SCARB2: variants seen among roughly 807,000 people sequenced by gnomAD.
SCARB2 encodes the protein lysosome membrane protein 2.
Under a neutral mutation model 58.6 loss-of-function variants are expected in SCARB2, and 29 were observed. The ratio of observed to expected loss-of-function variants is 0.49; its 90% confidence interval spans 0.37 to 0.67. The LOEUF (loss-of-function observed/expected upper bound fraction) is 0.67. Among genes scored for constraint, SCARB2 ranks in the 30% least tolerant of loss-of-function variants. The pLI, the probability that SCARB2 is intolerant of heterozygous loss-of-function variation, is 0.00. For missense variants in SCARB2, 488 were observed against 578.5 expected (o/e 0.84, Z 1.60); for synonymous variants, 195 against 210.1 (o/e 0.93, Z 0.62).
chr4:76,200,193 A>G (rs4241591), intron 1 of SCARB2, among the ~76,000 whole-genome samples: 96,915 of 152,062 alleles, frequency 0.64, 32,438 homozygotes, highest in East Asian at 0.98. Flanking sequence ...TGCTGTGGTG[A>G]TGACAGCCAC....
At chr4:76,174,736 T>C in intron 6 of SCARB2, 1 of 198,822 alleles carries the variant, frequency 5.0e-6, no homozygotes, top group Non-Finnish European at 1.0e-5. Flanking sequence ...CCTCGTAGGG[T>C]CTTAGGCACT....
At chr4:76,190,922 A>G (rs1018907402) in intron 2 of SCARB2, among the ~76,000 whole-genome samples, 7 of 152,244 alleles carry the variant, frequency 4.6e-5, no homozygotes, top group African/African-American at 1.4e-4. Context: ...GAAATGTTCT[A>G]TAAGTGTAAA....
At chr4:76,225,735 A>T (rs1431512609) in intron 1 of SCARB2, among the ~76,000 whole-genome samples, 1 of 152,016 alleles carries the variant, frequency 6.6e-6, no homozygotes, top group East Asian at 1.9e-4. Flanking sequence ...CTGGTATGAA[A>T]CTCACTTGAT....
chr4:76,228,491 AG>A lies in SCARB2; in HGVS notation c.-358+5811del, dbSNP rs749588427. Among the ~76,000 whole-genome samples, 170 of 133,740 alleles carry A rather than the reference AG, an allele frequency of 1.3e-3. 1 individual carries two copies. The highest frequency in any genetic ancestry group is 9.2e-3 in the South Asian group (38 of 4,124). The allele number at this position is 133,740 out of a possible 152,430, so 87.7% of individuals were successfully genotyped here. On this transcript the variant is annotated intron_variant, in intron 1 of 11. Transcript: ENST00000638295. ...AAGCCTCCATCTTAAAAAAAAAAAAAGAAAGAAAGAAAAAAAATTTAGAATT... is the reference window on the plus strand; with the variant it reads ...AAGCCTCCATCTTAAAAAAAAAAAAAAAAGAAAGAAAAAAAATTTAGAATT...
intron 1 of SCARB2, among the ~76,000 whole-genome samples, chr4:76,209,440 C>T (rs1578740863): frequency 6.6e-6 from 1 of 152,132 alleles, no homozygotes. Context: ...GCCATCTTGG[C>T]TCACTGCAAC....
At chr4:76,170,854 A>G (rs1276418201) in intron 7 of SCARB2, among the ~76,000 whole-genome samples, 1 of 151,780 alleles carries the variant, frequency 6.6e-6, no homozygotes, top group Non-Finnish European at 1.5e-5. Flanking sequence ...TGGTTGTGCT[A>G]TACACCCAGC....
chr4:76,179,175 T>C, intron 4 of SCARB2: 1 of 311,882 alleles, frequency 3.2e-6, no homozygotes, highest in Admixed American at 4.5e-5. Context: ...TGCCTCAGTC[T>C]CCTGAGTAGG....
intron 1 of SCARB2, among the ~76,000 whole-genome samples, chr4:76,220,615 C>T (rs1333672995): frequency 6.6e-6 from 1 of 152,148 alleles, no homozygotes; most frequent in African/African-American, 2.4e-5. Context: ...AGAGCTAGAT[C>T]CTGTCTCTTA....
chr4:76,194,934 G>A (rs1732681846), intron 2 of SCARB2: 1 of 152,092 alleles, frequency 6.6e-6, no homozygotes, highest in South Asian at 2.1e-4. Flanking sequence ...CTTGCTTATT[G>A]CTTATACGCA....
intron 2 of SCARB2, chr4:76,193,478 T>C (rs1327288776): frequency 6.6e-6 from 1 of 152,252 alleles, no homozygotes; most frequent in East Asian, 1.9e-4. Context: ...CAGCTTGCAA[T>C]CTCAGCATAA....
intron 1 of SCARB2, 97 bp downstream of exon 1, chr4:76,213,330 G>A (rs1221903926): frequency 1.2e-6 from 1 of 843,434 alleles, no homozygotes; most frequent in African/African-American, 1.7e-5. Flanking sequence ...CGGAGGGTCT[G>A]CCTGAGTGCT....
At chr4:76,211,617 G>A (rs1397893524) in intron 1 of SCARB2, among the ~76,000 whole-genome samples, 1 of 152,162 alleles carries the variant, frequency 6.6e-6, no homozygotes, top group Non-Finnish European at 1.5e-5. Flanking sequence ...AGATTAAACA[G>A]CCCACGGTCA....
In SCARB2 at chr4:76,158,976, A is replaced by C. The variant is rs1047595683; in HGVS notation, c.*2737T>G. 3 of 152,210 alleles carry C rather than the reference A, an allele frequency of 2.0e-5. No homozygotes were observed. Among genetic ancestry groups the C allele is most frequent in the East Asian group, 3.8e-4 (2 of 5,198 alleles). 9.4% of individuals were successfully genotyped at this position (152,210 alleles called of 1,614,324 possible). A position where few individuals can be genotyped will look rare whatever the true frequency, so the allele number is the denominator to read the frequency against. ...TTAAATTAAAAATTAGCCTCCCTTAAGTTAAAAACCCCAATAGGGGTTAGT... is the reference window on the plus strand; with the variant it reads ...TTAAATTAAAAATTAGCCTCCCTTACGTTAAAAACCCCAATAGGGGTTAGT... On this transcript the variant is annotated 3_prime_UTR_variant, in exon 12 of 12. Transcript: ENST00000264896.
intron 1 of SCARB2, among the ~76,000 whole-genome samples, chr4:76,199,611 T>G (rs115386249): frequency 0.023 from 3,504 of 152,288 alleles, 121 homozygotes; most frequent in African/African-American, 0.08. Context: ...ATTTAACTGG[T>G]TGTCCTGTAT....
At chr4:76,192,360 G>A (rs1056227406) in intron 2 of SCARB2, 1 of 152,232 alleles carries the variant, frequency 6.6e-6, no homozygotes, top group Non-Finnish European at 1.5e-5. Flanking sequence ...ATTGGGACTG[G>A]AGCAAAGTTC....
upstream of SCARB2, chr4:76,214,353 C>T (rs1157229103): frequency 6.6e-6 from 3 of 451,930 alleles, no homozygotes; most frequent in South Asian, 1.6e-5. Flanking sequence ...AAGTTTGTCA[C>T]GTAAGGGGCA....
intron 1 of SCARB2, among the ~76,000 whole-genome samples, chr4:76,220,432 G>T (rs1733287932): frequency 6.6e-6 from 1 of 152,108 alleles, no homozygotes; most frequent in Admixed American, 6.5e-5. Flanking sequence ...TTCAAGACTA[G>T]CCTGGGCATC....
intron 8 of SCARB2, among the ~76,000 whole-genome samples, chr4:76,168,999 A>G (rs1261077977): frequency 6.6e-6 from 1 of 152,230 alleles, no homozygotes; most frequent in Non-Finnish European, 1.5e-5. Context: ...CACTAAGGTT[A>G]TAAGACTGTG....
intron 5 of SCARB2, 124 bp from the exon 6 acceptor site, chr4:76,176,034 G>C: frequency 8.4e-7 from 1 of 1,195,466 alleles, no homozygotes; most frequent in Non-Finnish European, 1.2e-6. Context: ...TTCATACACA[G>C]ACACAACAGT....
Sources: allele counts gnomAD v4.1 joint callset (sites outside exome capture counted in the v4.1 genomes callset), GRCh38; gene constraint gnomAD v4.1.1; transcripts MANE v1.5; gene names NCBI Gene and HGNC (gene_info 2026-07-23, HGNC 2026-07-21).